Variants in ATP9A observed in about 807,000 individuals in gnomAD.
ATP9A encodes probable phospholipid-transporting ATPase IIA.
Under a neutral mutation model 144.1 loss-of-function variants are expected in ATP9A, and 52 were observed. The ratio of observed to expected loss-of-function variants is 0.36; its 90% CI spans 0.29 to 0.45. The LOEUF (loss-of-function observed/expected upper bound fraction) is 0.45. Ranked by LOEUF, ATP9A falls within the 20% of genes least tolerant of loss-of-function variation. The pLI is 1.00. For synonymous variants in ATP9A, 582 were observed against 557.4 expected (o/e 1.04, Z -0.62); for missense variants, 947 against 1,392.7 (o/e 0.68, Z 5.09).
At chr20:51,761,692 G>A (rs1463939862) in intron 1 of ATP9A, among the ~76,000 whole-genome samples, 3 of 151,860 alleles carry the variant, frequency 2.0e-5, no homozygotes, top group Admixed American at 1.3e-4. Context: ...CCCGGAAGGC[G>A]GAGCTTGCAG....
At chr20:51,609,446 G>A (rs2077176825) in intron 24 of ATP9A, among the ~76,000 whole-genome samples, 1 of 152,132 alleles carries the variant, frequency 6.6e-6, no homozygotes, top group East Asian at 1.9e-4. Context: ...AGTGGCCTCA[G>A]CTGCATGTGT....
chr20:51,603,831 A>T (rs988133279), intron 27 of ATP9A, among the ~76,000 whole-genome samples: 2 of 152,078 alleles, frequency 1.3e-5, no homozygotes, highest in African/African-American at 4.8e-5. Flanking sequence ...CCCAGGCTAG[A>T]GTGCAGTGGC....
intron 9 of ATP9A, among the ~76,000 whole-genome samples, chr20:51,685,017 T>TAAAAAA (rs11325921): frequency 8.6e-5 from 12 of 139,892 alleles, no homozygotes; most frequent in South Asian, 2.4e-4. Context: ...TCTCCAAAAA[T>TAAAAAA]AAAAAAAAAA....
At chr20:51,751,748 C>T (rs1267916985) in intron 1 of ATP9A, among the ~76,000 whole-genome samples, 1 of 152,096 alleles carries the variant, frequency 6.6e-6, no homozygotes, top group African/African-American at 2.4e-5. Context: ...CCACCACGCC[C>T]GGCTAATTTT....
intron 22 of ATP9A, among the ~76,000 whole-genome samples, chr20:51,616,270 C>T (rs1400532734): frequency 6.6e-6 from 1 of 152,174 alleles, no homozygotes; most frequent in Non-Finnish European, 1.5e-5. Context: ...GACAGGGGAG[C>T]ATCTCTGCTG....
chr20:51,660,803 TTATCTC>T (rs1338079418), intron 13 of ATP9A, among the ~76,000 whole-genome samples: 9 of 152,196 alleles, frequency 5.9e-5, no homozygotes, highest in Non-Finnish European at 1.0e-4. Context: ...TGTACAGTGT[TTATCTC>T]TAACCTCCTC....
intron 1 of ATP9A, among the ~76,000 whole-genome samples, chr20:51,743,644 T>C (rs186560410): frequency 0.011 from 1,592 of 148,280 alleles, 31 homozygotes; most frequent in African/African-American, 0.035. Context: ...ACCTCGTGAT[T>C]CGCCCGCCTC....
intron 27 of ATP9A, among the ~76,000 whole-genome samples, chr20:51,603,743 C>T (rs1372893740): frequency 1.3e-5 from 2 of 151,434 alleles, no homozygotes; most frequent in South Asian, 2.1e-4. Context: ...TGACACTCCC[C>T]CATCTCTACA....
intron 14 of ATP9A, among the ~76,000 whole-genome samples, chr20:51,641,215 C>T (rs547061869): frequency 4.6e-5 from 7 of 151,528 alleles, no homozygotes; most frequent in African/African-American, 1.7e-4. Flanking sequence ...AAAAATTAGC[C>T]GGAGGTGGTG....
chr20:51,690,488 T>C (rs570298622), intron 8 of ATP9A, among the ~76,000 whole-genome samples: 1 of 152,252 alleles, frequency 6.6e-6, no homozygotes, highest in East Asian at 1.9e-4. Context: ...GACGCCAGCG[T>C]TCACATGAAT....
At chr20:51,693,901 G>T in intron 7 of ATP9A, 107 bp downstream of exon 7, 3 of 962,636 alleles carry the variant, frequency 3.1e-6, no homozygotes, top group Non-Finnish European at 3.2e-6. Context: ...TCCCCTACTG[G>T]CCCCACTTCA....
intron 5 of ATP9A, 21 bp downstream of exon 5, chr20:51,697,403 A>G: frequency 1.2e-6 from 2 of 1,611,670 alleles, no homozygotes; most frequent in East Asian, 2.2e-5. Context: ...ATCCACACAC[A>G]AGCTTCCAGA....
chr20:51,731,182 T>C (rs977148327), intron 1 of ATP9A, among the ~76,000 whole-genome samples: 1 of 151,882 alleles, frequency 6.6e-6, no homozygotes, highest in African/African-American at 2.4e-5. Flanking sequence ...CAGGCGCCTA[T>C]AATCCCAGCT....
At chr20:51,688,707 C>T (rs1262000228) in intron 9 of ATP9A, among the ~76,000 whole-genome samples, 3 of 152,230 alleles carry the variant, frequency 2.0e-5, no homozygotes, top group Non-Finnish European at 2.9e-5. Flanking sequence ...TTCCTAGGGC[C>T]CCAGTGCTGG....
chr20:51,712,880 G>T, intron 4 of ATP9A, 86 bp downstream of exon 4: 1 of 1,222,252 alleles, frequency 8.2e-7, no homozygotes. Context: ...CCACACCTGC[G>T]GCCCGGGCCT....
At chr20:51,753,369 T>C (rs13044725) in intron 1 of ATP9A, among the ~76,000 whole-genome samples, 3 of 152,166 alleles carry the variant, frequency 2.0e-5, no homozygotes, top group African/African-American at 7.2e-5. Flanking sequence ...GAGAATCACT[T>C]GAACTCGGAA....
At chr20:51,740,182 G>A (rs1281207271) in intron 1 of ATP9A, among the ~76,000 whole-genome samples, 2 of 151,348 alleles carry the variant, frequency 1.3e-5, no homozygotes, top group South Asian at 2.1e-4. Context: ...TCAGCCTCCC[G>A]AGTAGCTGGG....
At chr20:51,656,527 T>C (rs945282871) in intron 14 of ATP9A, among the ~76,000 whole-genome samples, 4 of 152,032 alleles carry the variant, frequency 2.6e-5, no homozygotes, top group African/African-American at 9.7e-5. Flanking sequence ...CACTCCAGCC[T>C]GGGCAAAAGA....
At chr20:51,653,607 G>A (rs144279264) in intron 14 of ATP9A, among the ~76,000 whole-genome samples, 1 of 152,020 alleles carries the variant, frequency 6.6e-6, no homozygotes, top group African/African-American at 2.4e-5. Context: ...CTAACATGGG[G>A]AAAACCCTGT....
Sources: allele counts gnomAD v4.1 joint callset (sites outside exome capture counted in the v4.1 genomes callset), GRCh38; gene constraint gnomAD v4.1.1; transcripts MANE v1.5; gene names NCBI Gene and HGNC (gene_info 2026-07-23, HGNC 2026-07-21).